The following TNXB variants were observed in gnomAD, a reference collection of about 807,000 sequenced individuals.
TNXB encodes the protein tenascin-X.
In TNXB, 183 loss-of-function variants were observed where a neutral mutation model predicts 340.5. The ratio of observed to expected loss-of-function variants is 0.54; its 90% CI spans 0.48 to 0.61. The LOEUF is 0.61. TNXB is among the 20% of genes least tolerant of loss of function. TNXB has a pLI of 0.00. For synonymous variants in TNXB, 2,121 were observed against 2,314.5 expected (o/e 0.92, Z 2.40); for missense variants, 4,613 against 5,446.4 (o/e 0.85, Z 4.82).
intron 1 of TNXB, 117 bp from the exon 2 acceptor site, chr6:32,098,323 T>C (rs571167002): frequency 5.8e-6 from 5 of 857,538 alleles, no homozygotes; most frequent in Non-Finnish European, 6.7e-6. Flanking sequence ...CCAACTCACA[T>C]GCATGTAAAA....
chr6:32,055,078 T>C (rs1372745811), intron 24 of TNXB, among the ~76,000 whole-genome samples: 1 of 152,236 alleles, frequency 6.6e-6, no homozygotes, highest in African/African-American at 2.4e-5. Flanking sequence ...GCTTTGGCCT[T>C]GCTCTAGTTG....
chr6:32,054,767 C>T (rs917793097), intron 24 of TNXB, among the ~76,000 whole-genome samples: 15 of 152,210 alleles, frequency 9.9e-5, no homozygotes, highest in African/African-American at 3.4e-4. Flanking sequence ...CCAGCTTCCG[C>T]CTATGAAAGA....
chr6:32,071,189 G>A (rs899414219), intron 13 of TNXB, among the ~76,000 whole-genome samples: 2 of 152,198 alleles, frequency 1.3e-5, no homozygotes, highest in African/African-American at 4.8e-5. Context: ...CTCGGAAAGG[G>A]GCACAGCTGG....
At chr6:32,077,561 G>A (rs1023924501) in intron 11 of TNXB, among the ~76,000 whole-genome samples, 3 of 152,234 alleles carry the variant, frequency 2.0e-5, no homozygotes, top group Non-Finnish European at 2.9e-5. Flanking sequence ...AGGTCAGCCC[G>A]AGGGTCCCAG....
At chr6:32,048,319 G>T in intron 29 of TNXB, 44 bp downstream of exon 29, 1 of 1,472,388 alleles carries the variant, frequency 6.8e-7, no homozygotes, top group Non-Finnish European at 9.0e-7. Flanking sequence ...GTGCCACAAG[G>T]GGGCGAAGGC....
At chr6:32,043,688 A>G in intron 35 of TNXB, 61 bp downstream of exon 35, 1 of 1,610,320 alleles carries the variant, frequency 6.2e-7, no homozygotes, top group African/African-American at 1.3e-5. Flanking sequence ...TTCTCTCTCA[A>G]CTCCCACCCA....
In TNXB at chr6:32,052,793, C is replaced by A. The variant is rs968632420; in HGVS notation, c.8992G>T (p.Val2998Phe). 1 of 1,613,820 alleles carries A rather than the reference C, an allele frequency of 6.2e-7. No homozygotes were observed. Among genetic ancestry groups the A allele is most frequent in the East Asian group, 2.2e-5 (1 of 44,884 alleles). ...DRDGRPQVVR[V>F]RGEESEVTVG... is the part of the protein sequence containing the mutation. ...GTGACCTCGCTCTCCTCGCCCCTGA[C>A]ACGCACCACCTGGGGCCGCCCGTCC... The change falls in exon 26 of 44, where the codon GTC becomes TTC. Residue 2998 changes from valine (V) to phenylalanine (F), a missense_variant. By Grantham distance (50) the Val-to-Phe change is conservative. Coordinates refer to ENST00000644971, the MANE Select transcript of TNXB (RefSeq NM_001365276.2). This position sits in a 1 kb window ranked among gnomAD's most constrained non-coding sequence, Gnocchi z 4.7.
At chr6:32,086,928 G>C (rs1480183861) in intron 6 of TNXB, among the ~76,000 whole-genome samples, 1 of 152,204 alleles carries the variant, frequency 6.6e-6, no homozygotes, top group Non-Finnish European at 1.5e-5. Context: ...CTGCTCCAGT[G>C]AATCTTTGCA....
At position 32,079,401 on chromosome 6, in the gene TNXB, C is replaced by T; in HGVS notation, c.4043-36G>A. On this transcript the variant is annotated intron_variant, in intron 10 of 43. Coordinates refer to ENST00000644971, the MANE Select transcript of TNXB (RefSeq NM_001365276.2). The surrounding 1 kb of genome is among the most constrained non-coding windows in gnomAD (Gnocchi z 7.1). ...AGATAGAGGCATAAAGGGCTGCTGG[C>T]TTTGCTGCTGCTGCCCACAGATGAC... 6.6e-7 allele frequency: 1 copy of T among 1,518,390 alleles called. No individual in the cohort carries two copies. The highest frequency in any genetic ancestry group is 1.2e-5 in the South Asian group (1 of 81,030). The allele number at this position is 1,518,390 out of a possible 1,614,324, so 94.1% of individuals were successfully genotyped here.
At chr6:32,107,550 G>A (rs2127311217) in intron 1 of TNXB, among the ~76,000 whole-genome samples, 1 of 152,242 alleles carries the variant, frequency 6.6e-6, no homozygotes. Flanking sequence ...TGTCTGGGGT[G>A]GTTCTCTGTA....
At chr6:32,055,796 G>T in intron 24 of TNXB, 55 bp downstream of exon 24, 1 of 1,567,182 alleles carries the variant, frequency 6.4e-7, no homozygotes, top group Non-Finnish European at 8.7e-7. Flanking sequence ...TTTTCATGAA[G>T]TTGCAGAGAA....
intron 21 of TNXB, among the ~76,000 whole-genome samples, chr6:32,059,400 C>T (rs1777875606): frequency 1.6e-5 from 2 of 127,798 alleles, no homozygotes; most frequent in African/African-American, 6.1e-5. Flanking sequence ...GCCTGGGCAA[C>T]AGAGTGAGAC....
At chr6:32,094,851 T>A (rs887262907) in intron 4 of TNXB, among the ~76,000 whole-genome samples, 3 of 152,176 alleles carry the variant, frequency 2.0e-5, no homozygotes, top group African/African-American at 7.2e-5. Flanking sequence ...AGTACTGAGC[T>A]CTCTGTTACC....
chr6:32,046,248 C>T lies in TNXB; in HGVS notation c.10533G>A (p.Lys3511=), dbSNP rs1412727735. ...GCCCGTAGAGCAGAAACTTGTATTT[C>T]TTGCCAGGCTCCAGGTCCTCTACGG... ...TVTVEDLEPG[K]KYKFLLYGLL... is the part of the protein sequence containing the mutation. Residue 3511 remains lysine, a synonymous_variant, in exon 31 of 44, where the codon AAG becomes AAA. Coordinates refer to ENST00000644971, the MANE Select transcript of TNXB (RefSeq NM_001365276.2). The surrounding 1 kb of genome is among the most constrained non-coding windows in gnomAD (Gnocchi z 6.9). 1 of 1,605,338 alleles carries T rather than the reference C, an allele frequency of 6.2e-7. No individual in the cohort carries two copies. The highest frequency in any genetic ancestry group is 2.2e-5 in the East Asian group (1 of 44,850).
In TNXB at chr6:32,058,255, G is replaced by A. The variant is rs759816493; in HGVS notation, c.7628C>T (p.Thr2543Ile). Residue 2543 changes from threonine to isoleucine, a missense_variant, in exon 22 of 44, where the codon ACC (threonine) becomes ATC (isoleucine). By Grantham distance (89) the Thr-to-Ile change is moderately conservative. Transcript: ENST00000644971. The surrounding 1 kb of genome is among the most constrained non-coding windows in gnomAD (Gnocchi z 5.1). ...GGAGTCAAAGCGGCCCTGGGGGACG[G>A]TCCAGGAAAGGCTCAGCGAGTCAGG... The part of the protein sequence containing the change: ...SSPDSLSLSW[T>I]VPQGRFDSFT... 1.2e-6 allele frequency: 2 copies of A among 1,612,468 alleles called. No homozygotes were observed. The highest frequency in any genetic ancestry group is 2.2e-5 in the South Asian group (2 of 91,078).
Position 32,051,285 on chromosome 6 carries a change from T to C in TNXB, c.9116-964A>G, listed in dbSNP as rs1258590590. Among the ~76,000 whole-genome samples, 2 of 152,162 alleles carry C rather than the reference T, an allele frequency of 1.3e-5. No homozygotes were observed. The highest frequency in any genetic ancestry group is 4.8e-5 in the African/African-American group (2 of 41,436). ...TCACCCGCCTTTGCTTTCTTACTGGTCCACAGCCTGTCCCCCATGACGTTA... is the reference window on the plus strand; with the variant it reads ...TCACCCGCCTTTGCTTTCTTACTGGCCCACAGCCTGTCCCCCATGACGTTA... On this transcript the variant is annotated intron_variant, in intron 26 of 43. Transcript: ENST00000644971. The surrounding 1 kb of genome is among the most constrained non-coding windows in gnomAD (Gnocchi z 4.7).
At position 32,089,324 on chromosome 6, in the gene TNXB, T is replaced by C. The variant is rs1779972815; in HGVS notation, c.2414A>G (p.Tyr805Cys). The change falls in exon 5 of 44, where the codon TAT becomes TGT. Residue 805 changes from tyrosine (Y) to cysteine (C), a missense_variant. By Grantham distance (194) the Tyr-to-Cys change is radical. Coordinates refer to ENST00000644971, the MANE Select transcript of TNXB (RefSeq NM_001365276.2). This position sits in a 1 kb window ranked among gnomAD's most constrained non-coding sequence, Gnocchi z 6.2. ...TARVPSSASA[Y>C]DQRGLAPGQE... ...TCCAGGGGCCAGTCCTCTCTGGTCA[T>C]AGGCTGAGGCAGAGCTTGGAACCCG... 1.2e-6 allele frequency: 2 copies of C among 1,608,202 alleles called. No homozygotes were observed. Among genetic ancestry groups the C allele is most frequent in the African/African-American group, 2.7e-5 (2 of 74,906 alleles).
At position 32,068,742 on chromosome 6, in the gene TNXB, G is replaced by A. The variant is rs1222565744; in HGVS notation, c.5903-35C>T. 4 of 1,603,712 alleles carry A rather than the reference G, an allele frequency of 2.5e-6. No individual in the cohort carries two copies. Among genetic ancestry groups the A allele is most frequent in the Non-Finnish European group, 3.4e-6 (4 of 1,173,278 alleles). On this transcript the variant is annotated intron_variant, in intron 16 of 43. Coordinates refer to ENST00000644971, the MANE Select transcript of TNXB (RefSeq NM_001365276.2). This position sits in a 1 kb window ranked among gnomAD's most constrained non-coding sequence, Gnocchi z 5.3. ...GACATGGAAAGAGAGGACTGAGGTGGGCAGGGTATCCGCGGGACTCTGCTG... is the reference window on the plus strand; with the variant it reads ...GACATGGAAAGAGAGGACTGAGGTGAGCAGGGTATCCGCGGGACTCTGCTG...
At chr6:32,107,796 C>G (rs951211310) in intron 1 of TNXB, among the ~76,000 whole-genome samples, 1 of 151,974 alleles carries the variant, frequency 6.6e-6, no homozygotes, top group African/African-American at 2.4e-5. Flanking sequence ...TGCCCCCATG[C>G]CTCCCTCTGA....
Sources: allele counts gnomAD v4.1 joint callset (sites outside exome capture counted in the v4.1 genomes callset), GRCh38; gene constraint gnomAD v4.1.1; non-coding constraint Gnocchi (gnomAD v3.1); transcripts MANE v1.5; gene names NCBI Gene and HGNC (gene_info 2026-07-23, HGNC 2026-07-21).